The following ALG12 variants were observed in gnomAD, a reference collection of about 807,000 sequenced individuals.
The protein encoded by ALG12 is ALG12 alpha-1,6-mannosyltransferase.
ALG12 carries 36 observed loss-of-function variants against 46.0 expected under a neutral mutation model. That is an observed-to-expected ratio of 0.78 (90% CI 0.60 to 1.03). ALG12 has a LOEUF of 1.03. ALG12 is among the 50% of genes least tolerant of loss of function. ALG12 has a pLI of 0.00. For missense variants in ALG12, 599 were observed against 633.5 expected, an observed-to-expected ratio of 0.95 and a Z score of 0.58; for synonymous variants, 326 against 291.6, an observed-to-expected ratio of 1.12 and a Z score of -1.20.
the ALG12 span, among the ~76,000 whole-genome samples, chr22:49,871,467 A>T: frequency 1.3e-5 from 2 of 151,984 alleles, no homozygotes; most frequent in Admixed American, 6.5e-5. Flanking sequence ...TGGGCGACAG[A>T]GTGAGACTCT....
chr22:49,863,237 G>C, the ALG12 span, among the ~76,000 whole-genome samples: 112,769 of 151,494 alleles, frequency 0.74, 44,531 homozygotes, highest in East Asian at 0.9. Flanking sequence ...CCAGGATGGA[G>C]TGCAGTGGTG....
the ALG12 span, among the ~76,000 whole-genome samples, chr22:49,859,820 GT>G: frequency 6.6e-6 from 1 of 152,204 alleles, no homozygotes; most frequent in Non-Finnish European, 1.5e-5. Context: ...GAGCTCAGGA[GT>G]TCCAGACCAG....
the ALG12 span, chr22:49,887,765 C>T: frequency 6.0e-6 from 1 of 167,256 alleles, no homozygotes; most frequent in Non-Finnish European, 1.5e-5. Flanking sequence ...GGAAACGAAA[C>T]TTAGATGTTT....
the ALG12 span, chr22:49,884,499 G>A: frequency 3.1e-6 from 5 of 1,614,044 alleles, no homozygotes; most frequent in Admixed American, 5.0e-5. Flanking sequence ...CACTTCCAAA[G>A]AGCACCTCTG....
chr22:49,872,001 A>G, the ALG12 span, among the ~76,000 whole-genome samples: 6 of 151,960 alleles, frequency 3.9e-5, no homozygotes. Context: ...GCCTCGGCCT[A>G]CCAAAGTGCT....
At chr22:49,912,053 G>A (rs117396272) in intron 3 of ALG12, among the ~76,000 whole-genome samples, 1,313 of 120,932 alleles carry the variant, frequency 0.011, no homozygotes, top group African/African-American at 0.019. Context: ...GATCAGCCTC[G>A]GCCGCGGGAT....
chr22:49,916,624 C>G (rs1204155559), intron 1 of ALG12, among the ~76,000 whole-genome samples: 1 of 152,180 alleles, frequency 6.6e-6, no homozygotes, highest in Non-Finnish European at 1.5e-5. Flanking sequence ...TGGCTCACGC[C>G]TGTAATTCCA....
intron 1 of ALG12, among the ~76,000 whole-genome samples, chr22:49,914,151 GC>G (rs1007328024): frequency 6.6e-6 from 1 of 152,136 alleles, no homozygotes; most frequent in Non-Finnish European, 1.5e-5. Flanking sequence ...AATGGCCCCT[GC>G]CCCCCAGTCT....
the ALG12 span, chr22:49,883,472 C>T: frequency 1.4e-6 from 1 of 720,956 alleles, no homozygotes; most frequent in East Asian, 2.9e-5. Flanking sequence ...AAGCAGTGAT[C>T]TATGCTGTAA....
At position 49,901,800 on chromosome 22, in the gene ALG12, T is replaced by C. The variant is rs2060508763; in HGVS notation, c.*2038A>G. Reference sequence around the variant, plus strand: ...ACGTGTGCACTGTGTGTGGTATGTATGCATGGTGTGTGCACGTGTGCACTG... The same window carrying C: ...ACGTGTGCACTGTGTGTGGTATGTACGCATGGTGTGTGCACGTGTGCACTG... On this transcript the variant is annotated 3_prime_UTR_variant, in exon 10 of 10. Transcript: ENST00000330817. 2.0e-5 allele frequency: 3 copies of C among 146,480 alleles called. No individual in the cohort carries two copies. Among genetic ancestry groups the C allele is most frequent in the African/African-American group, 5.3e-5 (2 of 37,692 alleles). The allele number at this position is 146,480 out of a possible 1,614,324, so 9.1% of individuals were successfully genotyped here. A position where few individuals can be genotyped will look rare whatever the true frequency, so the allele number is the denominator to read the frequency against.
At position 49,904,465 on chromosome 22, in the gene ALG12, G is replaced by A. The variant is rs769555808; in HGVS notation, c.1034C>T (p.Ser345Phe). ...YKKSWLYKAG[S>F]LLVIGHLVVN... Reference sequence around the variant, plus strand: ...CACGAGGTGTCCGATCACAAGCAGAGACCCCGCTTTGTACAGCCAAGACTT... The same window carrying A: ...CACGAGGTGTCCGATCACAAGCAGAAACCCCGCTTTGTACAGCCAAGACTT... The change falls in exon 8 of 10, where the codon TCT becomes TTT. Residue 345 changes from serine (S) to phenylalanine (F), a missense_variant. Transcript: ENST00000330817. 3.1e-6 allele frequency: 5 copies of A among 1,614,048 alleles called. No individual in the cohort carries two copies. The highest frequency in any genetic ancestry group is 4.2e-6 in the Non-Finnish European group (5 of 1,180,028).
chr22:49,886,701 G>A, the ALG12 span: 1 of 1,613,254 alleles, frequency 6.2e-7, no homozygotes, highest in Non-Finnish European at 8.5e-7. This position sits in a 1 kb window ranked among gnomAD's most constrained non-coding sequence, Gnocchi z 7.7. Context: ...CTCGCTACAA[G>A]GCCTCCCTGT....
Position 49,904,482 on chromosome 22 carries a change from CCA to C in ALG12, c.1015_1016del (p.Trp339AlafsTer55), listed in dbSNP as rs2060532519. 6.2e-7 allele frequency: 1 copy of C among 1,614,140 alleles called. No individual in the cohort carries two copies. Among genetic ancestry groups the C allele is most frequent in the Non-Finnish European group, 8.5e-7 (1 of 1,180,016 alleles). On this transcript the variant is annotated frameshift_variant, in exon 8 of 10. Coordinates refer to ENST00000330817, the MANE Select transcript of ALG12 (RefSeq NM_024105.4). LOFTEE classifies it high-confidence loss of function. ...CAAGCAGAGACCCCGCTTTGTACAG[CCA>C]AGACTTTTTATAGTTATTCAGCCTG... ...SYLLNNYKKSWLYKAGSLLVI... is the reference protein window; with the variant it reads ...SYLLNNYKKSXLYKAGSLLVI...
the ALG12 span, among the ~76,000 whole-genome samples, chr22:49,862,185 T>G: frequency 6.6e-6 from 1 of 152,228 alleles, no homozygotes. Context: ...TGTTAGTAAG[T>G]CCCCGAGGGC....
At position 49,909,598 on chromosome 22, in the gene ALG12, C is replaced by A. The variant is rs373105015; in HGVS notation, c.665-251G>T. On this transcript the variant is annotated intron_variant, in intron 5 of 9. Coordinates refer to ENST00000330817, the MANE Select transcript of ALG12 (RefSeq NM_024105.4). The stretch of plus-strand genomic sequence containing the variant: ...AAAAGAAAAAAGACACCAACTGTGT[C>A]GAGGACACCACTGCCCAGAACCACC... Among the ~76,000 whole-genome samples, 6 of 152,250 alleles carry A rather than the reference C, an allele frequency of 3.9e-5. No individual in the cohort carries two copies. The South Asian group carries it at 6.2e-4, about 16-fold the overall frequency.
Position 49,904,511 on chromosome 22 carries a change from A to G in ALG12, c.993-5T>C. 6.2e-7 allele frequency: 1 copy of G among 1,614,190 alleles called. No individual in the cohort carries two copies. The highest frequency in any genetic ancestry group is 8.5e-7 in the Non-Finnish European group (1 of 1,180,028). ...GACTTTTTATAGTTATTCAGCCTGAAAAAAGAATGGTTACACATCATAGGC... is the reference window on the plus strand; with the variant it reads ...GACTTTTTATAGTTATTCAGCCTGAGAAAAGAATGGTTACACATCATAGGC... On this transcript the variant is annotated splice_polypyrimidine_tract_variant and splice_region_variant and intron_variant, in intron 7 of 9. Transcript: ENST00000330817.
chr22:49,888,241 G>GA, the ALG12 span: 4 of 167,036 alleles, frequency 2.4e-5, no homozygotes, highest in Admixed American at 6.5e-5. Flanking sequence ...TGTCTTCAGA[G>GA]AAAAAAAGAT....
chr22:49,895,162 G>A, the ALG12 span, among the ~76,000 whole-genome samples: 1 of 152,184 alleles, frequency 6.6e-6, no homozygotes, highest in Non-Finnish European at 1.5e-5. Flanking sequence ...CTCTGTGGCT[G>A]TATTCAGTAT....
chr22:49,864,451 G>A, the ALG12 span, among the ~76,000 whole-genome samples: 38 of 152,230 alleles, frequency 2.5e-4, no homozygotes, highest in Middle Eastern at 3.4e-3. Context: ...TAGCCATTAC[G>A]TACTACAGAT....
Sources: allele counts gnomAD v4.1 joint callset (sites outside exome capture counted in the v4.1 genomes callset), GRCh38; gene constraint gnomAD v4.1.1; non-coding constraint Gnocchi (gnomAD v3.1); transcripts MANE v1.5; gene names NCBI Gene and HGNC (gene_info 2026-07-23, HGNC 2026-07-21).